Variants in ULK4 observed in about 807,000 individuals in gnomAD.
ULK4 encodes unc-51 like kinase 4.
In ULK4, 133 loss-of-function variants were observed where a neutral mutation model predicts 160.6. That is an observed-to-expected ratio of 0.83 (90% CI 0.72 to 0.96). ULK4 has a LOEUF of 0.96. Among genes scored for constraint, ULK4 ranks in the 40% least tolerant of loss-of-function variants. The pLI is 0.00. For missense variants in ULK4, 1,580 were observed against 1,499.5 expected (o/e 1.05, Z -0.89); for synonymous variants, 534 against 539.8 (o/e 0.99, Z 0.15).
chr3:41,380,316 G>A (rs561690342), intron 35 of ULK4, among the ~76,000 whole-genome samples: 56 of 152,256 alleles, frequency 3.7e-4, no homozygotes, highest in African/African-American at 9.6e-4. Context: ...GGCTGGAAAG[G>A]TTACATATGA....
intron 19 of ULK4, among the ~76,000 whole-genome samples, chr3:41,815,624 C>T (rs941953350): frequency 2.6e-5 from 4 of 152,160 alleles, no homozygotes; most frequent in African/African-American, 9.7e-5. Context: ...GCTGCAAATA[C>T]GTCCTCAATG....
At chr3:41,578,349 A>G (rs989682194) in intron 31 of ULK4, among the ~76,000 whole-genome samples, 2 of 152,150 alleles carry the variant, frequency 1.3e-5, no homozygotes, top group Admixed American at 6.5e-5. Context: ...TCTGTTCCCA[A>G]TTTCCATAAC....
chr3:41,882,985 G>GC (rs999478609), intron 17 of ULK4, among the ~76,000 whole-genome samples: 1 of 151,812 alleles, frequency 6.6e-6, no homozygotes, highest in African/African-American at 2.4e-5. Flanking sequence ...ATTTTTTTAG[G>GC]CCCCCCAAAA....
At chr3:41,895,457 T>A (rs1338775524) in intron 16 of ULK4, 61 bp downstream of exon 16, 1 of 914,170 alleles carries the variant, frequency 1.1e-6, no homozygotes, top group East Asian at 3.1e-5. Flanking sequence ...GATAAATATG[T>A]GCTCTGTAAC....
chr3:41,942,478 C>A (rs764771696), intron 2 of ULK4, among the ~76,000 whole-genome samples: 1 of 152,062 alleles, frequency 6.6e-6, no homozygotes, highest in Non-Finnish European at 1.5e-5. Flanking sequence ...TAGATCACGC[C>A]ATTGCACTCC....
intron 12 of ULK4, among the ~76,000 whole-genome samples, chr3:41,902,283 GA>G (rs1168074528): frequency 6.6e-6 from 1 of 151,982 alleles, no homozygotes; most frequent in Non-Finnish European, 1.5e-5. Context: ...CAAAAGACAA[GA>G]AAACACAAAA....
At chr3:41,605,535 T>G (rs1315103994) in intron 31 of ULK4, among the ~76,000 whole-genome samples, 1 of 151,774 alleles carries the variant, frequency 6.6e-6, no homozygotes, top group East Asian at 1.9e-4. Flanking sequence ...GATAAAGAGG[T>G]CGATTCATCA....
intron 18 of ULK4, among the ~76,000 whole-genome samples, chr3:41,824,302 G>C (rs564985787): frequency 6.6e-6 from 1 of 152,198 alleles, no homozygotes; most frequent in East Asian, 1.9e-4. Context: ...TCACTGGGGA[G>C]TGTCGGACAG....
chr3:41,734,900 C>A lies in ULK4; in HGVS notation c.2322-17039G>T, dbSNP rs114893085. On this transcript the variant is annotated intron_variant, in intron 22 of 36. Coordinates refer to ENST00000301831, the MANE Select transcript of ULK4 (RefSeq NM_017886.4). Reference sequence around the variant, plus strand: ...AAGAACACAAAAAGGAAAACGCTGACCAGTGAGTAGGCAGAACCTCGGCAG... The same window carrying A: ...AAGAACACAAAAAGGAAAACGCTGAACAGTGAGTAGGCAGAACCTCGGCAG... 6.9e-3 allele frequency among the ~76,000 whole-genome samples: 1,054 copies of A among 152,270 alleles called. 10 individuals are homozygous for A. The highest frequency in any genetic ancestry group is 0.025 in the African/African-American group (1,019 of 41,560).
intron 18 of ULK4, among the ~76,000 whole-genome samples, chr3:41,826,434 C>T (rs2041355490): frequency 6.8e-6 from 1 of 146,006 alleles, no homozygotes. Context: ...CAGAGACACA[C>T]ATAAGCTCAA....
intron 27 of ULK4, among the ~76,000 whole-genome samples, chr3:41,700,165 A>G (rs1022850318): frequency 1.8e-4 from 27 of 152,176 alleles, no homozygotes; most frequent in African/African-American, 6.3e-4. Context: ...GATAAAATAT[A>G]AAGACCCTAA....
At chr3:41,747,790 A>G (rs564726112) in intron 22 of ULK4, among the ~76,000 whole-genome samples, 1 of 152,232 alleles carries the variant, frequency 6.6e-6, no homozygotes, top group South Asian at 2.1e-4. Flanking sequence ...GCAGCCCTCT[A>G]TGTAAGCCAA....
chr3:41,910,063 A>AT lies in ULK4; in HGVS notation c.1085+1253dup, dbSNP rs1232859679. Among the ~76,000 whole-genome samples, 6 of 151,280 alleles carry AT rather than the reference A, an allele frequency of 4.0e-5. No individual in the cohort carries two copies. In the South Asian group the frequency reaches 8.3e-4, roughly 21 times the overall value. ...AGACACCCACCAGCACGTCCAGCTA[A>AT]TTTTTTTTTCTTAGCAGAGACGGGT... On this transcript the variant is annotated intron_variant, in intron 11 of 36. Coordinates refer to ENST00000301831, the MANE Select transcript of ULK4 (RefSeq NM_017886.4).
At chr3:41,269,279 T>C (rs1345792785) in intron 35 of ULK4, among the ~76,000 whole-genome samples, 1 of 152,022 alleles carries the variant, frequency 6.6e-6, no homozygotes, top group Non-Finnish European at 1.5e-5. Context: ...CTAATTTCAA[T>C]GCAAATCCAT....
intron 35 of ULK4, among the ~76,000 whole-genome samples, chr3:41,353,102 G>C (rs190533245): frequency 1.3e-3 from 200 of 152,232 alleles, no homozygotes; most frequent in Non-Finnish European, 2.1e-3. Context: ...ATTTGACTTT[G>C]GCCTGTTCCA....
Position 41,732,103 on chromosome 3 carries a change from G to A in ULK4, c.2322-14242C>T, listed in dbSNP as rs1014098770. ...TTTGGGTAAGAACTCAAAAGCGCAGGCAACAAAAGTGAAAACAGACAAATG... is the reference window on the plus strand; with the variant it reads ...TTTGGGTAAGAACTCAAAAGCGCAGACAACAAAAGTGAAAACAGACAAATG... On this transcript the variant is annotated intron_variant, in intron 22 of 36. Coordinates refer to ENST00000301831, the MANE Select transcript of ULK4 (RefSeq NM_017886.4). Among the ~76,000 whole-genome samples the A allele has an allele frequency of 3.3e-5, 5 of 151,998 alleles. No homozygotes were observed. The East Asian group carries it at 5.8e-4, about 18-fold the overall frequency.
At chr3:41,690,246 A>T (rs2036246808) in intron 27 of ULK4, among the ~76,000 whole-genome samples, 2 of 151,080 alleles carry the variant, frequency 1.3e-5, no homozygotes, top group African/African-American at 2.4e-5. Context: ...AACAATGAGA[A>T]CACATGGACA....
chr3:41,698,083 T>C (rs141303680), intron 27 of ULK4, among the ~76,000 whole-genome samples: 51 of 152,328 alleles, frequency 3.3e-4, no homozygotes, highest in Non-Finnish European at 5.6e-4. Context: ...CTAGAAGCAA[T>C]AGGCTATACC....
chr3:41,543,228 C>T (rs572405542), intron 32 of ULK4, among the ~76,000 whole-genome samples: 9 of 151,984 alleles, frequency 5.9e-5, no homozygotes, highest in South Asian at 2.1e-4. Flanking sequence ...CATTATAGTA[C>T]GGGAATGTGA....
Sources: allele counts gnomAD v4.1 joint callset (sites outside exome capture counted in the v4.1 genomes callset), GRCh38; gene constraint gnomAD v4.1.1; transcripts MANE v1.5; gene names NCBI Gene and HGNC (gene_info 2026-07-23, HGNC 2026-07-21).